The following GRID2 variants were observed in gnomAD, a reference collection of about 807,000 sequenced individuals.
The protein encoded by GRID2 is glutamate receptor ionotropic, delta-2.
A neutral mutation model predicts 114.8 loss-of-function variants in GRID2; 33 were observed. The ratio of observed to expected loss-of-function variants is 0.29; its 90% CI spans 0.22 to 0.38. The LOEUF (loss-of-function observed/expected upper bound fraction) is 0.38. GRID2 is among the 10% of genes least tolerant of loss of function. The pLI is 1.00. For synonymous variants in GRID2, 505 were observed against 449.9 expected (o/e 1.12, Z -1.55); for missense variants, 1,184 against 1,257.7 (o/e 0.94, Z 0.89).
chr4:92,801,809 A>C (rs1318998917), intron 2 of GRID2, among the ~76,000 whole-genome samples: 1 of 151,850 alleles, frequency 6.6e-6, no homozygotes, highest in Non-Finnish European at 1.5e-5. Flanking sequence ...ACTCATAACA[A>C]ACCCAAAAGT....
intron 14 of GRID2, among the ~76,000 whole-genome samples, chr4:93,705,602 GT>G (rs1727927646): frequency 6.6e-6 from 1 of 152,126 alleles, no homozygotes; most frequent in Admixed American, 6.6e-5. Flanking sequence ...CAGATGGATA[GT>G]TTGCAAATAT....
intron 4 of GRID2, among the ~76,000 whole-genome samples, chr4:93,190,029 A>G (rs1740833879): frequency 6.6e-6 from 1 of 152,118 alleles, no homozygotes; most frequent in Admixed American, 6.6e-5. Context: ...CTGAAGTTCA[A>G]ACTTGTCACA....
chr4:92,955,675 A>C (rs1007817370), intron 2 of GRID2, among the ~76,000 whole-genome samples: 58 of 152,154 alleles, frequency 3.8e-4, no homozygotes, highest in African/African-American at 1.4e-3. Flanking sequence ...GGTGTTTTAG[A>C]CATGAAGTCC....
chr4:92,913,616 A>C (rs1210775794), intron 2 of GRID2, among the ~76,000 whole-genome samples: 1 of 151,996 alleles, frequency 6.6e-6, no homozygotes, highest in African/African-American at 2.4e-5. Flanking sequence ...ACGGGCATCT[A>C]ATCACTAGCA....
intron 4 of GRID2, among the ~76,000 whole-genome samples, chr4:93,163,356 GTATATA>G (rs57285537): frequency 0.028 from 1,567 of 55,892 alleles, 27 homozygotes; most frequent in East Asian, 0.038. Flanking sequence ...TTTTTTTTGT[GTATATA>G]TATATATATA....
At chr4:93,524,367 G>A (rs1036589665) in intron 13 of GRID2, among the ~76,000 whole-genome samples, 1 of 152,010 alleles carries the variant, frequency 6.6e-6, no homozygotes, top group African/African-American at 2.4e-5. Flanking sequence ...CATATTTTCT[G>A]CTCTCTAGAA....
chr4:92,971,980 A>G (rs376928560), intron 2 of GRID2, among the ~76,000 whole-genome samples: 4 of 152,292 alleles, frequency 2.6e-5, no homozygotes, highest in African/African-American at 7.2e-5. Context: ...GCTATTGAGA[A>G]TAATGCTGCA....
intron 2 of GRID2, among the ~76,000 whole-genome samples, chr4:93,050,347 CT>C (rs1180897637): frequency 2.6e-5 from 4 of 151,920 alleles, no homozygotes; most frequent in African/African-American, 7.3e-5. Flanking sequence ...ATCCTCGTTG[CT>C]TTTTTAAAAA....
intron 2 of GRID2, among the ~76,000 whole-genome samples, chr4:92,597,521 T>C (rs1729012387): frequency 1.3e-5 from 2 of 152,172 alleles, no homozygotes; most frequent in Non-Finnish European, 2.9e-5. Flanking sequence ...ATTTTAGCAA[T>C]TTGTGCTGCT....
At chr4:93,074,303 C>T (rs963821905) in intron 2 of GRID2, among the ~76,000 whole-genome samples, 3 of 152,020 alleles carry the variant, frequency 2.0e-5, no homozygotes, top group Non-Finnish European at 2.9e-5. Flanking sequence ...AGCAATATGT[C>T]TAAAATTATA....
chr4:92,657,266 C>G (rs540171817), intron 2 of GRID2, among the ~76,000 whole-genome samples: 1 of 151,600 alleles, frequency 6.6e-6, no homozygotes, highest in Admixed American at 6.6e-5. Flanking sequence ...TCTTATTGTA[C>G]TTATTTGTGA....
rs1220156524 is a variant in GRID2 at position 93,734,836 on chromosome 4, G to T, written c.2361-34374G>T. Reference sequence around the variant, plus strand: ...TTGCACGCCATTAATTTTTGCCCTGGCACACAAACTTTCATCCTTTAGAAG... The same window carrying T: ...TTGCACGCCATTAATTTTTGCCCTGTCACACAAACTTTCATCCTTTAGAAG... On this transcript the variant is annotated intron_variant, in intron 14 of 15. Transcript: ENST00000282020. Among the ~76,000 whole-genome samples the T allele has an allele frequency of 2.0e-5, 3 of 152,024 alleles. No homozygotes were observed. In the East Asian group the frequency reaches 5.8e-4, roughly 29 times the overall value.
chr4:93,414,075 T>C (rs1331509090), intron 9 of GRID2, among the ~76,000 whole-genome samples: 2 of 152,204 alleles, frequency 1.3e-5, no homozygotes, highest in Admixed American at 6.5e-5. Flanking sequence ...AAGTATGAGA[T>C]GGTGTTGCAT....
At chr4:92,721,759 G>C (rs577083871) in intron 2 of GRID2, among the ~76,000 whole-genome samples, 1 of 152,208 alleles carries the variant, frequency 6.6e-6, no homozygotes, top group African/African-American at 2.4e-5. Context: ...ATTTTCAGAA[G>C]GAACATCTTT....
intron 2 of GRID2, among the ~76,000 whole-genome samples, chr4:92,875,149 G>GTTTTTTTT (rs36120160): frequency 2.4e-5 from 2 of 84,992 alleles, no homozygotes; most frequent in African/African-American, 4.5e-5. Flanking sequence ...AACTCAAAAG[G>GTTTTTTTT]TTTTTTTTTT....
At chr4:93,650,164 A>G (rs930450764) in intron 14 of GRID2, among the ~76,000 whole-genome samples, 6 of 152,054 alleles carry the variant, frequency 3.9e-5, no homozygotes, top group African/African-American at 1.4e-4. Context: ...AAATCCAGCC[A>G]CCTTTATTGC....
At chr4:92,601,944 C>T (rs929722594) in intron 2 of GRID2, among the ~76,000 whole-genome samples, 1 of 151,618 alleles carries the variant, frequency 6.6e-6, no homozygotes, top group Non-Finnish European at 1.5e-5. Context: ...CACATACCCC[C>T]TCGCAAGACT....
chr4:93,153,219 T>C (rs528131519), intron 4 of GRID2, among the ~76,000 whole-genome samples: 1 of 152,212 alleles, frequency 6.6e-6, no homozygotes, highest in Admixed American at 6.6e-5. Context: ...ACTGGAGTGA[T>C]CTTCCACTTA....
chr4:92,742,517 G>A (rs1206781136), intron 2 of GRID2, among the ~76,000 whole-genome samples: 1 of 152,034 alleles, frequency 6.6e-6, no homozygotes, highest in Non-Finnish European at 1.5e-5. Context: ...TAATCTTTCA[G>A]AGGTTTCTTG....
Sources: gnomAD v4.1 joint callset for allele counts (sites outside exome capture counted in the v4.1 genomes callset) on GRCh38, gnomAD v4.1.1 for gene constraint, MANE v1.5 for transcripts, NCBI Gene and HGNC (gene_info 2026-07-23, HGNC 2026-07-21) for gene names.